LOC128462377: variants seen among roughly 807,000 people sequenced by gnomAD.
At chr16:89,354,140 T>G in the LOC128462377 span, among the ~76,000 whole-genome samples, 1 of 151,354 alleles carries the variant, frequency 6.6e-6, no homozygotes, top group African/African-American at 2.4e-5. Context: ...TTCTAAATAA[T>G]GCACTGCACA....
At chr16:89,341,939 T>C in the LOC128462377 span, among the ~76,000 whole-genome samples, 2 of 141,796 alleles carry the variant, frequency 1.4e-5, no homozygotes, top group African/African-American at 5.3e-5. Flanking sequence ...GTGCTGCACC[T>C]CCTCCACGAA....
At chr16:89,358,569 T>C in the LOC128462377 span, among the ~76,000 whole-genome samples, 1 of 152,312 alleles carries the variant, frequency 6.6e-6, no homozygotes, top group East Asian at 1.9e-4. Context: ...ATGGACCCCA[T>C]AAATACATTC....
At chr16:89,414,809 A>T in the LOC128462377 span, among the ~76,000 whole-genome samples, 1 of 152,232 alleles carries the variant, frequency 6.6e-6, no homozygotes, top group Non-Finnish European at 1.5e-5. Flanking sequence ...GATGGGAGAG[A>T]AGAGCACAGC....
the LOC128462377 span, among the ~76,000 whole-genome samples, chr16:89,317,886 A>G: frequency 6.6e-6 from 1 of 152,098 alleles, no homozygotes; most frequent in Non-Finnish European, 1.5e-5. Context: ...CATGCAACCC[A>G]ATCACCTTCT....
the LOC128462377 span, among the ~76,000 whole-genome samples, chr16:89,369,217 G>A: frequency 0.03 from 4,586 of 152,290 alleles, 154 homozygotes; most frequent in African/African-American, 0.078. Flanking sequence ...TCTTCAAAGG[G>A]CTGGTCTCCA....
At chr16:89,384,522 A>C in the LOC128462377 span, among the ~76,000 whole-genome samples, 1 of 138,890 alleles carries the variant, frequency 7.2e-6, no homozygotes, top group Non-Finnish European at 1.6e-5. Flanking sequence ...ACGACATGGA[A>C]CAGGATGGGA....
At chr16:89,327,081 T>TGGAAATTCAGAGGTG in the LOC128462377 span, among the ~76,000 whole-genome samples, 2 of 142,192 alleles carry the variant, frequency 1.4e-5, no homozygotes, top group African/African-American at 5.4e-5. Flanking sequence ...ATGCAGAGGT[T>TGGAAATTCAGAGGTG]GGAAATGCAG....
the LOC128462377 span, among the ~76,000 whole-genome samples, chr16:89,397,987 C>T: frequency 1.3e-5 from 2 of 152,248 alleles, no homozygotes; most frequent in South Asian, 4.1e-4. Context: ...CCACCAAAAA[C>T]AACCACAAAG....
chr16:89,321,428 G>C, the LOC128462377 span, among the ~76,000 whole-genome samples: 1 of 135,286 alleles, frequency 7.4e-6, no homozygotes, highest in African/African-American at 2.7e-5. Flanking sequence ...GTGGGGCGGG[G>C]CCTGCAGGGC....
chr16:89,384,770 C>T, the LOC128462377 span, among the ~76,000 whole-genome samples: 6 of 151,852 alleles, frequency 4.0e-5, no homozygotes, highest in African/African-American at 1.5e-4. Flanking sequence ...GTATTTAGCA[C>T]CTACAGAAAA....
At chr16:89,391,885 C>T in the LOC128462377 span, among the ~76,000 whole-genome samples, 1 of 152,226 alleles carries the variant, frequency 6.6e-6, no homozygotes, top group Non-Finnish European at 1.5e-5. Flanking sequence ...ACTTTATGTT[C>T]TTAGCTCCCA....
chr16:89,345,346 C>T, the LOC128462377 span, among the ~76,000 whole-genome samples: 1 of 151,860 alleles, frequency 6.6e-6, no homozygotes, highest in African/African-American at 2.4e-5. Flanking sequence ...CGACACCCCC[C>T]GGCACCTGGT....
chr16:89,377,325 A>G, the LOC128462377 span, among the ~76,000 whole-genome samples: 1 of 152,168 alleles, frequency 6.6e-6, no homozygotes, highest in African/African-American at 2.4e-5. Context: ...GAAAGATGCC[A>G]TCATTGTTAT....
the LOC128462377 span, among the ~76,000 whole-genome samples, chr16:89,327,887 G>A: frequency 4.4e-3 from 671 of 152,214 alleles, 6 homozygotes; most frequent in African/African-American, 0.016. Flanking sequence ...ACTGATAAAC[G>A]ACCTCGACAA....
chr16:89,382,527 A>G, the LOC128462377 span, among the ~76,000 whole-genome samples: 1 of 151,842 alleles, frequency 6.6e-6, no homozygotes. Context: ...GGATTTCACC[A>G]TGTTGGCCAG....
At chr16:89,362,327 C>G in the LOC128462377 span, among the ~76,000 whole-genome samples, 114 of 152,210 alleles carry the variant, frequency 7.5e-4, 2 homozygotes, top group Admixed American at 7.5e-3. Flanking sequence ...TGAAACCTCA[C>G]GACACCTTGC....
the LOC128462377 span, among the ~76,000 whole-genome samples, chr16:89,363,983 C>G: frequency 6.6e-6 from 1 of 152,064 alleles, no homozygotes; most frequent in Admixed American, 6.6e-5. Context: ...CAGCTTGAGC[C>G]CGGGAGTTGG....
At chr16:89,343,971 C>G in the LOC128462377 span, 2 of 152,296 alleles carry the variant, frequency 1.3e-5, no homozygotes. Flanking sequence ...ACGGCCAGCT[C>G]TGACCGACTG....
the LOC128462377 span, among the ~76,000 whole-genome samples, chr16:89,355,950 A>G: frequency 6.6e-6 from 1 of 152,198 alleles, no homozygotes; most frequent in African/African-American, 2.4e-5. Flanking sequence ...GACTCGCCCA[A>G]GACCACCAGA....
Sources: allele counts gnomAD v4.1 joint callset (sites outside exome capture counted in the v4.1 genomes callset), GRCh38; gene constraint gnomAD v4.1.1; transcripts MANE v1.5.